The following CAMK1D variants were observed in gnomAD, a reference collection of about 807,000 sequenced individuals.
CAMK1D encodes the protein calcium/calmodulin-dependent protein kinase type 1D.
Under a neutral mutation model 47.7 loss-of-function variants are expected in CAMK1D, and 9 were observed. The observed-to-expected ratio is 0.19, with a 90% confidence interval of 0.11 to 0.33. The LOEUF (loss-of-function observed/expected upper bound fraction) is 0.33. Ranked by LOEUF, CAMK1D falls within the 10% of genes least tolerant of loss-of-function variation. CAMK1D has a pLI of 1.00. For synonymous variants in CAMK1D, 184 were observed against 184.9 expected, an observed-to-expected ratio of 0.99 and a Z score of 0.04; for missense variants, 291 against 488.7, an observed-to-expected ratio of 0.60 and a Z score of 3.81.
chr10:12,626,112 CT>C (rs1450931285), intron 2 of CAMK1D, among the ~76,000 whole-genome samples: 1 of 151,978 alleles, frequency 6.6e-6, no homozygotes, highest in African/African-American at 2.4e-5. Context: ...TTTAACCAGT[CT>C]TTTTTTATAC....
rs562264006 is a variant in CAMK1D, at chr10:12,714,496, G to A, written c.300-46452G>A. 1.4e-4 allele frequency among the ~76,000 whole-genome samples: 21 copies of A among 152,176 alleles called. 1 individual carries two copies. The East Asian group carries it at 3.5e-3, about 25-fold the overall frequency. On this transcript the variant is annotated intron_variant, in intron 3 of 10. Coordinates refer to ENST00000619168, the MANE Select transcript of CAMK1D (RefSeq NM_153498.4). ...AGCACTTTGGGGGGCCAAGGCAGGC[G>A]GATCACGAGGTCAGGAGTTAGAGAC...
chr10:12,569,547 A>G (rs369219358), intron 2 of CAMK1D, among the ~76,000 whole-genome samples: 46 of 92,712 alleles, frequency 5.0e-4, no homozygotes, highest in African/African-American at 2.4e-3. Context: ...CATCTCTACT[A>G]AAAATACAAA....
At chr10:12,583,407 A>G (rs995546311) in intron 2 of CAMK1D, among the ~76,000 whole-genome samples, 5 of 152,138 alleles carry the variant, frequency 3.3e-5, no homozygotes, top group Non-Finnish European at 5.9e-5. Context: ...ATGTTTTAGG[A>G]TAAACAGCAA....
At chr10:12,690,216 A>G (rs1006674262) in intron 3 of CAMK1D, among the ~76,000 whole-genome samples, 1 of 152,194 alleles carries the variant, frequency 6.6e-6, no homozygotes, top group Non-Finnish European at 1.5e-5. Context: ...GCCACCATTT[A>G]TGGAGTACTT....
chr10:12,779,145 G>A (rs920736625), intron 5 of CAMK1D, among the ~76,000 whole-genome samples: 12 of 152,096 alleles, frequency 7.9e-5, no homozygotes, highest in African/African-American at 2.9e-4. Context: ...CTGGTGGAAA[G>A]TGGCTCCTCA....
At chr10:12,657,961 C>A (rs1263350454) in intron 2 of CAMK1D, among the ~76,000 whole-genome samples, 1 of 151,982 alleles carries the variant, frequency 6.6e-6, no homozygotes, top group Non-Finnish European at 1.5e-5. Context: ...GACAGCCTGA[C>A]CAATGTGGTG....
intron 1 of CAMK1D, among the ~76,000 whole-genome samples, chr10:12,426,551 T>C (rs1170427138): frequency 6.6e-6 from 1 of 151,924 alleles, no homozygotes; most frequent in Non-Finnish European, 1.5e-5. Flanking sequence ...AGCTGGGAAT[T>C]TTTTCTTTTT....
intron 1 of CAMK1D, among the ~76,000 whole-genome samples, chr10:12,412,190 A>C (rs1326872700): frequency 2.0e-5 from 3 of 152,032 alleles, no homozygotes; most frequent in Non-Finnish European, 2.9e-5. Flanking sequence ...CTGCAACCCC[A>C]CCTGTAGTGT....
intron 4 of CAMK1D, among the ~76,000 whole-genome samples, chr10:12,768,511 T>C (rs1203122999): frequency 2.0e-5 from 3 of 152,154 alleles, no homozygotes; most frequent in Admixed American, 2.0e-4. Flanking sequence ...CCATGTCAGA[T>C]TCTTCGTGCT....
intron 3 of CAMK1D, among the ~76,000 whole-genome samples, chr10:12,675,914 T>A (rs1167746623): frequency 6.6e-6 from 1 of 152,198 alleles, no homozygotes; most frequent in African/African-American, 2.4e-5. Flanking sequence ...ATATTCTTTC[T>A]GCTGGAATCG....
intron 6 of CAMK1D, among the ~76,000 whole-genome samples, chr10:12,806,697 G>C (rs998949211): frequency 6.6e-6 from 1 of 152,236 alleles, no homozygotes; most frequent in African/African-American, 2.4e-5. Flanking sequence ...GGGCCAGGGA[G>C]ATGACCTAAT....
intron 2 of CAMK1D, among the ~76,000 whole-genome samples, chr10:12,643,900 A>G (rs977181997): frequency 2.0e-5 from 3 of 150,384 alleles, no homozygotes; most frequent in Admixed American, 1.3e-4. Context: ...AAAAAAAAAA[A>G]TCTAATGCGT....
intron 3 of CAMK1D, among the ~76,000 whole-genome samples, chr10:12,675,305 C>T (rs1840769546): frequency 6.6e-6 from 1 of 152,178 alleles, no homozygotes; most frequent in South Asian, 2.1e-4. Context: ...GAACTCTAAG[C>T]TTGTATATCC....
chr10:12,581,476 A>G (rs1424746843), intron 2 of CAMK1D, among the ~76,000 whole-genome samples: 1 of 152,130 alleles, frequency 6.6e-6, no homozygotes, highest in Non-Finnish European at 1.5e-5. Context: ...TGTTTTCCAT[A>G]GCGGTTTTAC....
At chr10:12,598,637 C>T (rs751628058) in intron 2 of CAMK1D, among the ~76,000 whole-genome samples, 1 of 152,080 alleles carries the variant, frequency 6.6e-6, no homozygotes, top group Non-Finnish European at 1.5e-5. Context: ...GCATCACTGT[C>T]TGGGCTACAG....
chr10:12,482,480 G>A (rs1834093208), intron 1 of CAMK1D, among the ~76,000 whole-genome samples: 1 of 152,200 alleles, frequency 6.6e-6, no homozygotes. Flanking sequence ...CTCCAGGAAA[G>A]AAAGTTGGAA....
intron 2 of CAMK1D, among the ~76,000 whole-genome samples, chr10:12,581,829 T>A (rs1837673039): frequency 6.6e-6 from 1 of 152,218 alleles, no homozygotes; most frequent in Admixed American, 6.5e-5. Flanking sequence ...TTTCTCCCAC[T>A]CTGAGGGTTG....
chr10:12,488,286 C>T (rs1834275943), intron 1 of CAMK1D, among the ~76,000 whole-genome samples: 2 of 152,092 alleles, frequency 1.3e-5, no homozygotes, highest in African/African-American at 4.8e-5. Context: ...CAGTGCTTCC[C>T]CTGTGCACCC....
intron 1 of CAMK1D, among the ~76,000 whole-genome samples, chr10:12,367,732 G>A (rs957078226): frequency 6.6e-6 from 1 of 152,108 alleles, no homozygotes; most frequent in Non-Finnish European, 1.5e-5. Flanking sequence ...TGACTGAACG[G>A]GAGGTGGAGC....
Sources: allele counts gnomAD v4.1 joint callset (sites outside exome capture counted in the v4.1 genomes callset), GRCh38; gene constraint gnomAD v4.1.1; transcripts MANE v1.5; gene names NCBI Gene and HGNC (gene_info 2026-07-23, HGNC 2026-07-21).